Variants in DMRT1 observed in about 807,000 individuals in gnomAD.
DMRT1 encodes doublesex- and mab-3-related transcription factor 1.
A neutral mutation model predicts 32.3 loss-of-function variants in DMRT1; 7 were observed. The ratio of observed to expected loss-of-function variants is 0.22; its 90% CI spans 0.12 to 0.41. The LOEUF (loss-of-function observed/expected upper bound fraction) is 0.41. Among genes scored for constraint, DMRT1 ranks in the 10% least tolerant of loss-of-function variants. The probability of loss-of-function intolerance (pLI) is 1.00; values close to 1 mark genes in which losing one functional copy is unlikely to be tolerated. For missense variants in DMRT1, 625 were observed against 500.5 expected (o/e 1.25, Z -2.37); for synonymous variants, 278 against 206.1 (o/e 1.35, Z -2.99).
chr9:870,624 G>C (rs10815922), intron 2 of DMRT1, among the ~76,000 whole-genome samples: 45,252 of 150,618 alleles, frequency 0.3, 8,100 homozygotes, highest in Non-Finnish European at 0.4. Context: ...TCTCTGTTGG[G>C]TCCAAGAAAG....
At chr9:901,762 C>T (rs909763794) in intron 3 of DMRT1, among the ~76,000 whole-genome samples, 7 of 151,868 alleles carry the variant, frequency 4.6e-5, no homozygotes, top group South Asian at 2.1e-4. Context: ...ATGGAGAAAG[C>T]GGGAGTGACT....
chr9:856,523 G>C (rs963393212), intron 2 of DMRT1, among the ~76,000 whole-genome samples: 3 of 152,084 alleles, frequency 2.0e-5, no homozygotes, highest in Non-Finnish European at 4.4e-5. Context: ...CTCTTACTTA[G>C]CCTGATGTTT....
intron 2 of DMRT1, among the ~76,000 whole-genome samples, chr9:872,494 C>T (rs1816316047): frequency 6.6e-6 from 1 of 152,336 alleles, no homozygotes; most frequent in Non-Finnish European, 1.5e-5. Flanking sequence ...GTTTCTTCCC[C>T]CAGCCTCTGG....
intron 2 of DMRT1, among the ~76,000 whole-genome samples, chr9:864,719 C>A (rs557790712): frequency 1.3e-5 from 2 of 149,788 alleles, no homozygotes; most frequent in African/African-American, 5.0e-5. Context: ...CCAGGATGGT[C>A]TCCATCTCCT....
intron 2 of DMRT1, among the ~76,000 whole-genome samples, chr9:865,452 A>C (rs543537927): frequency 2.0e-5 from 3 of 152,236 alleles, no homozygotes; most frequent in African/African-American, 7.2e-5. Context: ...AATTTTTCAT[A>C]AATATATATG....
rs935627142 is a variant in DMRT1, at chr9:946,432, G to A, written c.968-21553G>A. The stretch of plus-strand genomic sequence containing the variant: ...GGGAGGTGCCCCATCCAGCATCTGT[G>A]CAGTGCCTGAAGTGCCAGGTAACTG... On this transcript the variant is annotated intron_variant, in intron 4 of 4. Transcript: ENST00000382276. Among the ~76,000 whole-genome samples, 6 of 152,080 alleles carry A rather than the reference G, an allele frequency of 3.9e-5. No homozygotes were observed. The South Asian group carries it at 1.0e-3, about 26-fold the overall frequency.
chr9:885,046 C>G (rs924593831), intron 2 of DMRT1, among the ~76,000 whole-genome samples: 1 of 152,200 alleles, frequency 6.6e-6, no homozygotes, highest in African/African-American at 2.4e-5. Flanking sequence ...GGGAAAGGTC[C>G]TCTTGTCCCC....
chr9:906,024 C>T (rs1359141348), intron 3 of DMRT1, among the ~76,000 whole-genome samples: 2 of 49,180 alleles, frequency 4.1e-5, no homozygotes, highest in Non-Finnish European at 1.3e-4. Flanking sequence ...TTCTGTGACA[C>T]ACACACCCAC....
At chr9:891,595 A>T (rs991283362) in intron 2 of DMRT1, among the ~76,000 whole-genome samples, 3 of 150,128 alleles carry the variant, frequency 2.0e-5, no homozygotes, top group Non-Finnish European at 4.4e-5. Flanking sequence ...TCTCACTCCA[A>T]CCTCTGTCTC....
chr9:926,650 AT>A (rs1818533420), intron 4 of DMRT1, among the ~76,000 whole-genome samples: 1 of 151,486 alleles, frequency 6.6e-6, no homozygotes, highest in Admixed American at 6.6e-5. Context: ...AGAGGTTTTC[AT>A]TTTGGCTAAA....
intron 2 of DMRT1, among the ~76,000 whole-genome samples, chr9:885,454 G>A (rs972344552): frequency 6.6e-6 from 1 of 152,122 alleles, no homozygotes; most frequent in Non-Finnish European, 1.5e-5. Flanking sequence ...TCAGGCTGTC[G>A]AGCGGCCCGA....
Position 847,112 on chromosome 9 carries a change from G to T in DMRT1, c.507G>T (p.Pro169=), listed in dbSNP as rs200875305. ...AGTGCAGTGGCACCTCTCAGCCACCGCCGGCCAGTGTCCCCACCACTGCAG... is the reference window on the plus strand; with the variant it reads ...AGTGCAGTGGCACCTCTCAGCCACCTCCGGCCAGTGTCCCCACCACTGCAG... The part of the protein sequence containing the change: ...MTECSGTSQP[P]PASVPTTAAS... The change falls in exon 2 of 5, where the codon CCG becomes CCT. Residue 169 remains proline (P), a synonymous_variant. Transcript: ENST00000382276. 5.0e-6 allele frequency: 8 copies of T among 1,613,350 alleles called. No homozygotes were observed. The Admixed American group carries it at 1.2e-4, about 24-fold the overall frequency.
At chr9:960,958 C>T (rs538715893) in intron 4 of DMRT1, among the ~76,000 whole-genome samples, 7 of 152,256 alleles carry the variant, frequency 4.6e-5, no homozygotes, top group African/African-American at 1.2e-4. Context: ...TGGTTGTCAC[C>T]GGGCCACACG....
intron 4 of DMRT1, among the ~76,000 whole-genome samples, chr9:930,712 T>G (rs1818695470): frequency 6.6e-6 from 1 of 152,068 alleles, no homozygotes; most frequent in Admixed American, 6.6e-5. Flanking sequence ...CCGGCCAATT[T>G]TAAAAAATTT....
chr9:847,814 C>T (rs1207008640), intron 2 of DMRT1, among the ~76,000 whole-genome samples: 1 of 152,202 alleles, frequency 6.6e-6, no homozygotes, highest in Non-Finnish European at 1.5e-5. Flanking sequence ...ATCGAAGCCC[C>T]TAGCCACATG....
At position 857,056 on chromosome 9, in the gene DMRT1, T is replaced by G. The variant is rs567056705; in HGVS notation, c.538+9913T>G. Among the ~76,000 whole-genome samples the G allele has an allele frequency of 4.6e-5, 7 of 152,354 alleles. No homozygotes were observed. The South Asian group carries it at 8.3e-4, about 18-fold the overall frequency. On this transcript the variant is annotated intron_variant, in intron 2 of 4. Coordinates refer to ENST00000382276, the MANE Select transcript of DMRT1 (RefSeq NM_021951.3). ...CAGGCTGGGTGTGGTGGCTCACACC[T>G]GTAATCCCAGCACTTTGGGAGGCCG...
intron 4 of DMRT1, among the ~76,000 whole-genome samples, chr9:959,103 G>A (rs573685676): frequency 3.3e-5 from 5 of 152,310 alleles, no homozygotes; most frequent in African/African-American, 1.2e-4. Flanking sequence ...GATTACTTTT[G>A]TATCTGAGAA....
chr9:879,738 C>A (rs1329037179), intron 2 of DMRT1, among the ~76,000 whole-genome samples: 2 of 152,194 alleles, frequency 1.3e-5, no homozygotes, highest in African/African-American at 2.4e-5. Context: ...CAAGATCAGA[C>A]TAGATCTGCT....
intron 2 of DMRT1, among the ~76,000 whole-genome samples, chr9:853,747 C>T (rs1286431238): frequency 2.6e-5 from 4 of 151,598 alleles, no homozygotes; most frequent in Non-Finnish European, 4.4e-5. Flanking sequence ...TCAGGTGCTC[C>T]GCCTGCCTCG....
Sources: allele counts gnomAD v4.1 joint callset (sites outside exome capture counted in the v4.1 genomes callset), GRCh38; gene constraint gnomAD v4.1.1; transcripts MANE v1.5; gene names NCBI Gene and HGNC (gene_info 2026-07-23, HGNC 2026-07-21).